Variants in PHTF2 observed in about 807,000 individuals in gnomAD.
PHTF2 encodes protein PHTF2.
Under a neutral mutation model 101.2 loss-of-function variants are expected in PHTF2, and 60 were observed. The observed-to-expected ratio is 0.59, with a 90% CI of 0.48 to 0.73. PHTF2 has a LOEUF of 0.73. PHTF2 is among the 30% of genes least tolerant of loss of function. The probability of loss-of-function intolerance (pLI) is 0.00; values close to 1 mark genes in which losing one functional copy is unlikely to be tolerated. For synonymous variants in PHTF2, 311 were observed against 307.3 expected, an observed-to-expected ratio of 1.01 and a Z score of -0.13; for missense variants, 747 against 908.7, an observed-to-expected ratio of 0.82 and a Z score of 2.29.
At chr7:77,829,868 A>G (rs1325429934) in intron 1 of PHTF2, among the ~76,000 whole-genome samples, 1 of 152,220 alleles carries the variant, frequency 6.6e-6, no homozygotes, top group African/African-American at 2.4e-5. Flanking sequence ...ACTGAGTGAC[A>G]TGTCAGTAAA....
At chr7:77,910,110 C>A in intron 8 of PHTF2, 135 bp from the exon 8 acceptor site, 2 of 622,544 alleles carry the variant, frequency 3.2e-6, no homozygotes, top group Non-Finnish European at 5.5e-6. Flanking sequence ...TAAATTTTAT[C>A]TAGTAAATCT....
chr7:77,922,494 C>T, intron 10 of PHTF2, 129 bp from the exon 10 acceptor site: 1 of 566,384 alleles, frequency 1.8e-6, no homozygotes, highest in Non-Finnish European at 2.9e-6. Flanking sequence ...TAATTAGTTA[C>T]TTTGTGGTAG....
intron 1 of PHTF2, among the ~76,000 whole-genome samples, chr7:77,833,055 A>G (rs1795190334): frequency 6.6e-6 from 1 of 152,240 alleles, no homozygotes; most frequent in Admixed American, 6.5e-5. Context: ...CAAATATTTT[A>G]CTGTACTGCA....
At chr7:77,936,195 C>T (rs1320048456) in intron 12 of PHTF2, among the ~76,000 whole-genome samples, 1 of 152,116 alleles carries the variant, frequency 6.6e-6, no homozygotes, top group East Asian at 1.9e-4. Context: ...CAACTTTACT[C>T]CCCCTAGAGG....
intron 7 of PHTF2, among the ~76,000 whole-genome samples, chr7:77,905,392 ATTATTT>A (rs1326700411): frequency 1.3e-5 from 2 of 151,880 alleles, no homozygotes; most frequent in Non-Finnish European, 2.9e-5. Context: ...TGCCCAGCTA[ATTATTT>A]TTATTTTTAT....
At chr7:77,954,936 G>T (rs1806906923) in exon 20 of PHTF2, 2 of 918,696 alleles carry the variant, frequency 2.2e-6, no homozygotes, top group Non-Finnish European at 3.4e-6. Context: ...TGACTAAGCT[G>T]CCTGAAAGCT....
intron 8 of PHTF2, chr7:77,909,405 G>A (rs557705940): frequency 6.6e-6 from 1 of 150,744 alleles, no homozygotes; most frequent in Admixed American, 6.6e-5. Flanking sequence ...GGGTCTCACT[G>A]TCTCCGTCAC....
chr7:77,895,832 C>G (rs1043434942), intron 5 of PHTF2: 1 of 152,038 alleles, frequency 6.6e-6, no homozygotes, highest in Non-Finnish European at 1.5e-5. Context: ...AAAGATGATA[C>G]CTTGTAATAG....
At chr7:77,925,573 C>T (rs1273991937) in intron 11 of PHTF2, among the ~76,000 whole-genome samples, 5 of 128,888 alleles carry the variant, frequency 3.9e-5, no homozygotes, top group Admixed American at 3.8e-4. Context: ...GCAGTGGCGC[C>T]ATCTCGGCTC....
chr7:77,907,745 CT>C (rs1802002900), intron 7 of PHTF2: 1 of 152,194 alleles, frequency 6.6e-6, no homozygotes, highest in Non-Finnish European at 1.5e-5. Context: ...CATTTTACCC[CT>C]GAATACATCA....
intron 1 of PHTF2, among the ~76,000 whole-genome samples, chr7:77,823,436 G>T (rs779515949): frequency 7.2e-5 from 11 of 151,980 alleles, no homozygotes; most frequent in Admixed American, 4.6e-4. Context: ...GGCCAGGATG[G>T]TCTCGATGTC....
intron 13 of PHTF2, among the ~76,000 whole-genome samples, chr7:77,938,987 C>T (rs567063871): frequency 1.3e-5 from 2 of 152,096 alleles, no homozygotes; most frequent in East Asian, 1.9e-4. Context: ...AAGCAGTTGA[C>T]GGGGAAGTCT....
intron 2 of PHTF2, among the ~76,000 whole-genome samples, chr7:77,848,246 A>G (rs1398848882): frequency 1.3e-5 from 2 of 152,128 alleles, no homozygotes; most frequent in Non-Finnish European, 2.9e-5. Context: ...GCTGGATCAT[A>G]TGGTAGTTCT....
chr7:77,828,139 C>T (rs918840172), intron 1 of PHTF2, among the ~76,000 whole-genome samples: 1 of 152,200 alleles, frequency 6.6e-6, no homozygotes, highest in African/African-American at 2.4e-5. Flanking sequence ...CCAGTAATAA[C>T]ATGTCCATGT....
At chr7:77,810,819 T>C (rs1695244023) in intron 1 of PHTF2, among the ~76,000 whole-genome samples, 1 of 152,138 alleles carries the variant, frequency 6.6e-6, no homozygotes, top group Admixed American at 6.5e-5. Flanking sequence ...ATTAAAGGCA[T>C]GAGCCACCCC....
In PHTF2 at chr7:77,947,674, T is replaced by C. The variant is rs560555875; in HGVS notation, c.1960-2004T>C. Among the ~76,000 whole-genome samples the C allele has an allele frequency of 4.0e-4, 61 of 152,226 alleles. 1 individual carries two copies. The highest frequency in any genetic ancestry group is 1.4e-3 in the African/African-American group (59 of 41,542). On this transcript the variant is annotated intron_variant, in intron 16 of 19. Coordinates refer to ENST00000416283, the Ensembl canonical transcript of PHTF2. The stretch of plus-strand genomic sequence containing the variant: ...CTGGGGGAATTGTTGGAATCCCTTG[T>C]AATTAAACAGAATGCTTTGTTTATT...
chr7:77,810,782 C>T (rs1793376989), intron 1 of PHTF2, among the ~76,000 whole-genome samples: 1 of 152,128 alleles, frequency 6.6e-6, no homozygotes, highest in Admixed American at 6.5e-5. Flanking sequence ...AGGTGATCCA[C>T]CCACCTTGGC....
At chr7:77,923,721 T>C in intron 11 of PHTF2, 1 of 985,230 alleles carries the variant, frequency 1.0e-6, no homozygotes, top group Non-Finnish European at 1.2e-6. Context: ...TTTGTCTTAC[T>C]GTATGTACTG....
intron 10 of PHTF2, among the ~76,000 whole-genome samples, chr7:77,921,808 C>A (rs1307207528): frequency 3.9e-5 from 6 of 152,052 alleles, no homozygotes; most frequent in African/African-American, 1.4e-4. Context: ...TTTCTAAACT[C>A]TGGATATCTT....
Sources: allele counts gnomAD v4.1 joint callset (sites outside exome capture counted in the v4.1 genomes callset), GRCh38; gene constraint gnomAD v4.1.1; transcripts MANE v1.5; gene names NCBI Gene and HGNC (gene_info 2026-07-23, HGNC 2026-07-21).